Variants in CNOT4 observed in about 807,000 individuals in gnomAD.
CNOT4 encodes the protein CCR4-NOT transcription complex subunit 4.
A neutral mutation model predicts 73.8 loss-of-function variants in CNOT4; 8 were observed. That is an observed-to-expected ratio of 0.11 (90% CI 0.06 to 0.20). The LOEUF (loss-of-function observed/expected upper bound fraction) is 0.20. Among genes scored for constraint, CNOT4 ranks in the 10% least tolerant of loss-of-function variants. The pLI, the probability that CNOT4 is intolerant of heterozygous loss-of-function variation, is 1.00. For synonymous variants in CNOT4, 293 were observed against 321.1 expected (o/e 0.91, Z 0.94); for missense variants, 564 against 883.4 (o/e 0.64, Z 4.58).
intron 1 of CNOT4, among the ~76,000 whole-genome samples, chr7:135,459,361 C>G (rs1264427105): frequency 6.6e-6 from 1 of 152,142 alleles, no homozygotes; most frequent in Non-Finnish European, 1.5e-5. Flanking sequence ...CGCAGTTTAC[C>G]AACCTCTGCT....
At chr7:135,376,991 GATGGATATAGTT>G (rs1795556281) in intron 10 of CNOT4, among the ~76,000 whole-genome samples, 2 of 152,164 alleles carry the variant, frequency 1.3e-5, no homozygotes, top group African/African-American at 4.8e-5. Context: ...ATGAAATGGA[GATGGATATAGTT>G]ATGGTGATAA....
At chr7:135,445,425 T>C (rs1799765731) in intron 1 of CNOT4, among the ~76,000 whole-genome samples, 3 of 152,152 alleles carry the variant, frequency 2.0e-5, no homozygotes, top group Non-Finnish European at 1.5e-5. Flanking sequence ...TGGTTACATA[T>C]ACCAGGGAAA....
At position 135,363,259 on chromosome 7, in the gene CNOT4, A is replaced by T. The variant is rs1794737877; in HGVS notation, c.1841-73T>A. On this transcript the variant is annotated intron_variant, in intron 11 of 11. Coordinates refer to ENST00000541284, the MANE Select transcript of CNOT4 (RefSeq NM_001190850.2). This position sits in a 1 kb window ranked among gnomAD's most constrained non-coding sequence, Gnocchi z 4.3. The stretch of plus-strand genomic sequence containing the variant: ...AAGAATAAGGTCGTCAAACAAATTT[A>T]GAAAGCAAAACCAAAAGGAAAGACA... The T allele has an allele frequency of 7.0e-7, 1 of 1,429,316 alleles. No homozygotes were observed. The highest frequency in any genetic ancestry group is 9.7e-7 in the Non-Finnish European group (1 of 1,025,784). The allele number at this position is 1,429,316 out of a possible 1,614,324, so 88.5% of individuals were successfully genotyped here.
At chr7:135,433,459 C>T (rs1401964722) in intron 2 of CNOT4, among the ~76,000 whole-genome samples, 3 of 150,116 alleles carry the variant, frequency 2.0e-5, no homozygotes, top group Non-Finnish European at 3.0e-5. Flanking sequence ...TGGGTTCAAG[C>T]GATCCTCCCA....
At chr7:135,411,989 C>A (rs558369247) in intron 6 of CNOT4, among the ~76,000 whole-genome samples, 5 of 151,852 alleles carry the variant, frequency 3.3e-5, no homozygotes, top group Admixed American at 6.6e-5. Flanking sequence ...ACAACAACAA[C>A]AAAAAATCCC....
chr7:135,448,386 T>C (rs1799957536), intron 1 of CNOT4, among the ~76,000 whole-genome samples: 1 of 151,680 alleles, frequency 6.6e-6, no homozygotes, highest in African/African-American at 2.4e-5. Flanking sequence ...CCACTAAAAA[T>C]ACAAAAAATT....
intron 10 of CNOT4, among the ~76,000 whole-genome samples, chr7:135,369,160 A>G (rs1795063750): frequency 6.6e-6 from 1 of 152,228 alleles, no homozygotes; most frequent in Non-Finnish European, 1.5e-5. Context: ...AATTTGAAAA[A>G]TAAGATCTGC....
At chr7:135,492,772 A>G (rs866936978) in intron 1 of CNOT4, among the ~76,000 whole-genome samples, 1 of 152,188 alleles carries the variant, frequency 6.6e-6, no homozygotes, top group Non-Finnish European at 1.5e-5. Flanking sequence ...TCTTTACAAA[A>G]TATCTTTTTT....
intron 1 of CNOT4, among the ~76,000 whole-genome samples, chr7:135,507,702 A>G (rs896111683): frequency 6.6e-6 from 1 of 152,220 alleles, no homozygotes; most frequent in African/African-American, 2.4e-5. Context: ...TCAGCCAAGT[A>G]TGACTGCCAA....
chr7:135,509,839 T>C (rs1272502452), intron 1 of CNOT4, 50 bp downstream of exon 1: 2 of 390,390 alleles, frequency 5.1e-6, no homozygotes, highest in East Asian at 3.6e-5. Context: ...CGCTCTCTCG[T>C]AGCCGGTCAG....
At chr7:135,413,665 C>T in intron 5 of CNOT4, 52 bp from the exon 6 acceptor site, 3 of 1,560,130 alleles carry the variant, frequency 1.9e-6, no homozygotes, top group Non-Finnish European at 2.6e-6. Context: ...GAACTGACAA[C>T]ACAATGAGAA....
intron 10 of CNOT4, among the ~76,000 whole-genome samples, chr7:135,381,133 T>C (rs1795823971): frequency 1.3e-5 from 2 of 152,206 alleles, no homozygotes; most frequent in Admixed American, 6.5e-5. Context: ...ACAGCATTTA[T>C]CCTGAAGATA....
chr7:135,470,087 T>G (rs984247056), intron 1 of CNOT4, among the ~76,000 whole-genome samples: 2 of 151,902 alleles, frequency 1.3e-5, no homozygotes, highest in Non-Finnish European at 2.9e-5. Flanking sequence ...CCTCCCAAAG[T>G]GCTGGGATTA....
chr7:135,402,786 G>T (rs535174885), intron 7 of CNOT4, among the ~76,000 whole-genome samples: 1 of 152,276 alleles, frequency 6.6e-6, no homozygotes, highest in East Asian at 1.9e-4. Context: ...TCTCAGTTTG[G>T]ATTTGTAGAT....
chr7:135,420,358 C>T (rs1798115255), intron 3 of CNOT4, among the ~76,000 whole-genome samples: 1 of 151,838 alleles, frequency 6.6e-6, no homozygotes, highest in African/African-American at 2.4e-5. Flanking sequence ...AGGCAGATTG[C>T]TTGAGCTCAG....
rs1486083165 is a variant in CNOT4, at chr7:135,438,266, C to T, written c.66G>A (p.Glu22=). The T allele has an allele frequency of 6.2e-7, 1 of 1,613,838 alleles. No individual in the cohort carries two copies. The highest frequency in any genetic ancestry group is 1.1e-5 in the South Asian group (1 of 91,064). ...AAGGGAAAAAGTTGATATCATCTAT[C>T]TCCAAGGGCTCCATGCAAAGAGGGC... ...VECPLCMEPL[E]IDDINFFPCT... is the part of the protein sequence containing the mutation. The change falls in exon 2 of 12, where the codon GAG becomes GAA. Residue 22 remains glutamate (E), a synonymous_variant. Coordinates refer to ENST00000541284, the MANE Select transcript of CNOT4 (RefSeq NM_001190850.2).
At chr7:135,485,197 C>T (rs575191528) in intron 1 of CNOT4, among the ~76,000 whole-genome samples, 186 of 152,182 alleles carry the variant, frequency 1.2e-3, no homozygotes, top group South Asian at 3.1e-3. Context: ...CTCAGTCTTC[C>T]GAGTAGCTGG....
At chr7:135,439,997 AAC>A (rs1799378620) in intron 1 of CNOT4, among the ~76,000 whole-genome samples, 1 of 152,106 alleles carries the variant, frequency 6.6e-6, no homozygotes, top group African/African-American at 2.4e-5. Flanking sequence ...AGAAAAAAAA[AAC>A]AGATTTTTTT....
In CNOT4 at chr7:135,450,032, T is replaced by C. The variant is rs141851585; in HGVS notation, c.-92-11609A>G. Reference sequence around the variant, plus strand: ...GCATTTGTTCTACTTTCATGTATGCTTAAAAAATTTTCATGACAAACAGCT... The same window carrying C: ...GCATTTGTTCTACTTTCATGTATGCCTAAAAAATTTTCATGACAAACAGCT... On this transcript the variant is annotated intron_variant, in intron 1 of 11. Transcript: ENST00000541284. Among the ~76,000 whole-genome samples the C allele has an allele frequency of 3.7e-4, 56 of 152,210 alleles. No individual in the cohort carries two copies. In the Middle Eastern group the frequency reaches 0.014, roughly 37 times the overall value.
Sources: gnomAD v4.1 joint callset for allele counts (sites outside exome capture counted in the v4.1 genomes callset) on GRCh38, gnomAD v4.1.1 for gene constraint, Gnocchi (gnomAD v3.1) non-coding constraint, MANE v1.5 for transcripts, NCBI Gene and HGNC (gene_info 2026-07-23, HGNC 2026-07-21) for gene names.